HGS: variants seen among roughly 807,000 people sequenced by gnomAD.
The protein encoded by HGS is hepatocyte growth factor-regulated tyrosine kinase substrate.
In HGS, 63 loss-of-function variants were observed where a neutral mutation model predicts 109.7. The observed-to-expected ratio is 0.57, with a 90% CI of 0.47 to 0.71. The LOEUF (loss-of-function observed/expected upper bound fraction) is 0.71, where lower values mean the gene tolerates loss of function less well. HGS is among the 30% of genes least tolerant of loss of function. The probability of loss-of-function intolerance (pLI) is 0.00; values close to 1 mark genes in which losing one functional copy is unlikely to be tolerated. For missense variants in HGS, 995 were observed against 1,068.3 expected, an observed-to-expected ratio of 0.93 and a Z score of 0.96; for synonymous variants, 546 against 437.3, an observed-to-expected ratio of 1.25 and a Z score of -3.10.
chr17:81,696,049 G>C (rs759499301), intron 15 of HGS, 50 bp downstream of exon 15: 2 of 1,472,734 alleles, frequency 1.4e-6, no homozygotes, highest in Non-Finnish European at 1.8e-6. Context: ...CAGGTGTTGT[G>C]AGCGCCATCC....
In HGS at chr17:81,695,942, A is replaced by G; in HGVS notation, c.1336A>G (p.Ile446Val). The G allele has an allele frequency of 6.3e-7, 1 of 1,588,154 alleles. No homozygotes were observed. The highest frequency in any genetic ancestry group is 8.6e-7 in the Non-Finnish European group (1 of 1,163,550). The change falls in exon 15 of 22, where the codon ATC (isoleucine) becomes GTC (valine). Residue 446 changes from isoleucine (I) to valine (V), a missense_variant. Around this residue, in one of 6 missense-constraint regions of HGS, gnomAD observed 163 missense variants for 217.8 expected, o/e 0.75. Coordinates refer to ENST00000329138, the MANE Select transcript of HGS (RefSeq NM_004712.5). ...GGCCGTGCTCTCACTCTTCCAGTCC[A>G]TCAACGGCATGCACCCGCAGCTGCT... ...DSAVLSLFQSINGMHPQLLEL... is the reference protein window; with the variant it reads ...DSAVLSLFQSVNGMHPQLLEL...
At position 81,691,415 on chromosome 17, in the gene HGS, C is replaced by G. The variant is rs779936763; in HGVS notation, c.538-32C>G. The G allele has an allele frequency of 1.9e-6, 3 of 1,612,480 alleles. No individual in the cohort carries two copies. The highest frequency in any genetic ancestry group is 2.5e-6 in the Non-Finnish European group (3 of 1,179,632). On this transcript the variant is annotated intron_variant, in intron 7 of 21. Coordinates refer to ENST00000329138, the MANE Select transcript of HGS (RefSeq NM_004712.5). The surrounding 1 kb of genome is among the most constrained non-coding windows in gnomAD (Gnocchi z 5.3). The stretch of plus-strand genomic sequence containing the variant: ...GTGGCGCATCAGGGTCCCCCAGTGC[C>G]TGTGACCAGGCCCGCCCGCCCCATC...
Position 81,691,773 on chromosome 17 carries a change from G to A in HGS, c.662+202G>A. 1 of 573,144 alleles carries A rather than the reference G, an allele frequency of 1.7e-6. No homozygotes were observed. Among genetic ancestry groups the A allele is most frequent in the Non-Finnish European group, 3.0e-6 (1 of 331,560 alleles). 35.5% of individuals were successfully genotyped at this position (573,144 alleles called of 1,614,324 possible). A position where few individuals can be genotyped will look rare whatever the true frequency, so the allele number is the denominator to read the frequency against. ...CTAGGGCAGGTGGGTGTGAGAGACA[G>A]GGCGCCGCGGCTCCAGGGACCGAGG... On this transcript the variant is annotated intron_variant, in intron 8 of 21. Transcript: ENST00000329138. This position sits in a 1 kb window ranked among gnomAD's most constrained non-coding sequence, Gnocchi z 5.3.
intron 18 of HGS, 64 bp from the exon 19 acceptor site, chr17:81,700,403 G>A (rs2037217180): frequency 2.8e-6 from 4 of 1,451,762 alleles, no homozygotes; most frequent in Admixed American, 2.5e-5. Flanking sequence ...TCAAGAGTAG[G>A]GTGTCCCTTC....
chr17:81,693,868 A>T lies in HGS; in HGVS notation c.841-2A>T, dbSNP rs111556173. The stretch of plus-strand genomic sequence containing the variant: ...GTGACGCCCCTTCTGATTCTGCCTC[A>T]GAGACAGAAGTCCACGTACACTTCG... On this transcript the variant is annotated splice_acceptor_variant, in intron 10 of 21. Coordinates refer to ENST00000329138, the MANE Select transcript of HGS (RefSeq NM_004712.5). LOFTEE classifies it high-confidence loss of function. The T allele has an allele frequency of 6.2e-7, 1 of 1,605,510 alleles. No individual in the cohort carries two copies. Among genetic ancestry groups the T allele is most frequent in the Non-Finnish European group, 8.5e-7 (1 of 1,177,426 alleles).
intron 11 of HGS, among the ~76,000 whole-genome samples, 170 bp downstream of exon 11, chr17:81,694,135 C>T (rs1208397371): frequency 1.3e-5 from 2 of 152,196 alleles, no homozygotes; most frequent in African/African-American, 2.4e-5. Flanking sequence ...CCCCACGGCT[C>T]CAGGCACCCG....
chr17:81,701,439 G>A (rs1263487095), intron 21 of HGS, 69 bp from the exon 22 acceptor site: 4 of 1,471,126 alleles, frequency 2.7e-6, no homozygotes, highest in African/African-American at 1.4e-5. Context: ...GGCTCTGCTG[G>A]GACAAAAGCC....
chr17:81,701,034 TCTC>T lies in HGS; in HGVS notation c.2137-10_2137-8del. On this transcript the variant is annotated splice_polypyrimidine_tract_variant and splice_region_variant and intron_variant, in intron 20 of 21. Transcript: ENST00000329138. ...GGCTACTCTCTCACATCTGACGTCT[TCTC>T]ACAACAGAATCTCATGACCACCCTC... 1 of 1,612,388 alleles carries T rather than the reference TCTC, an allele frequency of 6.2e-7. No homozygotes were observed. The highest frequency in any genetic ancestry group is 1.3e-5 in the African/African-American group (1 of 74,986).
At chr17:81,700,939 C>T in intron 20 of HGS, 106 bp from the exon 21 acceptor site, 1 of 1,522,178 alleles carries the variant, frequency 6.6e-7, no homozygotes, top group Middle Eastern at 1.7e-4. Context: ...CCCCTCCACT[C>T]TCTGGGTGCT....
rs973559408 is a variant in HGS, at chr17:81,691,428, C to T, written c.538-19C>T. The T allele has an allele frequency of 4.3e-6, 7 of 1,613,208 alleles. No individual in the cohort carries two copies. Among genetic ancestry groups the T allele is most frequent in the East Asian group, 2.2e-5 (1 of 44,848 alleles). On this transcript the variant is annotated intron_variant, in intron 7 of 21. Coordinates refer to ENST00000329138, the MANE Select transcript of HGS (RefSeq NM_004712.5). The surrounding 1 kb of genome is among the most constrained non-coding windows in gnomAD (Gnocchi z 5.3). Reference sequence around the variant, plus strand: ...GTCCCCCAGTGCCTGTGACCAGGCCCGCCCGCCCCATCTTACAGCACCACT... The same window carrying T: ...GTCCCCCAGTGCCTGTGACCAGGCCTGCCCGCCCCATCTTACAGCACCACT...
Position 81,693,671 on chromosome 17 carries a change from C to G in HGS, c.759C>G (p.Asp253Glu). 1 of 1,552,606 alleles carries G rather than the reference C, an allele frequency of 6.4e-7. No individual in the cohort carries two copies. The highest frequency in any genetic ancestry group is 1.2e-5 in the South Asian group (1 of 84,654). Reference sequence around the variant, plus strand: ...GTCCTCAGCTGCCCCCCAAGAGGGACGAGACGGCCCTGCAGGAGGAGGAGG... The same window carrying G: ...GTCCTCAGCTGCCCCCCAAGAGGGAGGAGACGGCCCTGCAGGAGGAGGAGG... ...SQQSQLPPKR[D>E]ETALQEEEEL... The change falls in exon 10 of 22, where the codon GAC becomes GAG. Residue 253 changes from aspartate (D) to glutamate (E), a missense_variant. Transcript: ENST00000329138.
chr17:81,685,405 T>TA (rs1311230015), intron 1 of HGS, among the ~76,000 whole-genome samples, 200 bp from the exon 2 acceptor site: 3 of 152,202 alleles, frequency 2.0e-5, no homozygotes, highest in South Asian at 4.1e-4. Flanking sequence ...GGTGTGCTCT[T>TA]ACGCTGTTTG....
chr17:81,697,089 G>C (rs2037163328), intron 18 of HGS, 91 bp downstream of exon 18: 2 of 1,361,028 alleles, frequency 1.5e-6, no homozygotes, highest in East Asian at 2.4e-5. Flanking sequence ...TGGTGCGAAG[G>C]GTTTTCCCAG....
In HGS at chr17:81,693,551, C is replaced by T. The variant is rs1303690682; in HGVS notation, c.711C>T (p.Tyr237=). Residue 237 remains tyrosine, a synonymous_variant, in exon 9 of 22, where the codon TAC becomes TAT. Transcript: ENST00000329138. ...ATSTTELPPE[Y]LTSPLSQQSQ... ...CCACCACTGAGCTGCCCCCCGAGTA[C>T]CTGACCAGCCCCCTGTCTCAGCAGT... 4 of 1,612,818 alleles carry T rather than the reference C, an allele frequency of 2.5e-6. No homozygotes were observed. In the Admixed American group the frequency reaches 6.7e-5, roughly 27 times the overall value.
intron 5 of HGS, 56 bp downstream of exon 5, chr17:81,688,883 G>C: frequency 6.2e-7 from 1 of 1,608,570 alleles, no homozygotes; most frequent in Non-Finnish European, 8.5e-7. Context: ...TGGGCAGTCA[G>C]GCTCAACGGG....
At chr17:81,688,483 G>A (rs1013721767) in intron 4 of HGS, among the ~76,000 whole-genome samples, 4 of 152,204 alleles carry the variant, frequency 2.6e-5, no homozygotes, top group Non-Finnish European at 4.4e-5. Context: ...CAGAGACGCG[G>A]CGTTGTTTGG....
At chr17:81,694,176 A>C (rs1012052649) in intron 11 of HGS, among the ~76,000 whole-genome samples, 17 of 152,114 alleles carry the variant, frequency 1.1e-4, no homozygotes, top group Admixed American at 2.0e-4. Context: ...GGCCCTTGGG[A>C]CTGAGGACAT....
intron 18 of HGS, chr17:81,697,775 C>G (rs2037177426): frequency 6.6e-6 from 1 of 152,206 alleles, no homozygotes; most frequent in Non-Finnish European, 1.5e-5. Context: ...CTTCCCCACT[C>G]TCCTGCTTAT....
In HGS at chr17:81,691,554, C is replaced by T; in HGVS notation, c.645C>T (p.Cys215=). 1 of 1,614,044 alleles carries T rather than the reference C, an allele frequency of 6.2e-7. No homozygotes were observed. The highest frequency in any genetic ancestry group is 8.5e-7 in the Non-Finnish European group (1 of 1,179,960). ...AGGAGGTGCGCGTGTGTGAGCCCTGCTACGAGCAGCTGAACAGGTGAGTCC... is the reference window on the plus strand; with the variant it reads ...AGGAGGTGCGCGTGTGTGAGCCCTGTTACGAGCAGCTGAACAGGTGAGTCC... ...IEKEVRVCEP[C]YEQLNRKAEG... Residue 215 remains cysteine (C), a synonymous_variant, in exon 8 of 22, where the codon TGC becomes TGT. Coordinates refer to ENST00000329138, the MANE Select transcript of HGS (RefSeq NM_004712.5). This position sits in a 1 kb window ranked among gnomAD's most constrained non-coding sequence, Gnocchi z 5.3.
Sources: gnomAD v4.1 joint callset for allele counts (sites outside exome capture counted in the v4.1 genomes callset) on GRCh38, gnomAD v4.1.1 for gene constraint, gnomAD v4.1.1 regional missense constraint, Gnocchi (gnomAD v3.1) non-coding constraint, MANE v1.5 for transcripts, NCBI Gene and HGNC (gene_info 2026-07-23, HGNC 2026-07-21) for gene names.